Variants in GALNT13 observed in about 807,000 individuals in gnomAD.
The protein encoded by GALNT13 is UDP-GalNAc:polypeptide N-acetylgalactosaminyltransferase 13.
GALNT13 carries 28 observed loss-of-function variants against 64.2 expected under a neutral mutation model. That is an observed-to-expected ratio of 0.44 (90% CI 0.32 to 0.60). GALNT13 has a LOEUF of 0.60. GALNT13 is among the 20% of genes least tolerant of loss of function. The probability of loss-of-function intolerance (pLI) is 0.05; values close to 1 mark genes in which losing one functional copy is unlikely to be tolerated. For synonymous variants in GALNT13, 214 were observed against 224.6 expected (o/e 0.95, Z 0.42); for missense variants, 577 against 669.8 (o/e 0.86, Z 1.53).
At chr2:153,251,410 TA>T in the GALNT13 span, among the ~76,000 whole-genome samples, 1 of 152,246 alleles carries the variant, frequency 6.6e-6, no homozygotes, top group African/African-American at 2.4e-5. Context: ...GATCCTCTTT[TA>T]ATGATGATTT....
intron 9 of GALNT13, among the ~76,000 whole-genome samples, chr2:154,395,073 A>G (rs1481588692): frequency 2.0e-5 from 3 of 152,180 alleles, no homozygotes; most frequent in East Asian, 1.9e-4. Context: ...AGAATATCCT[A>G]AATACTAGGC....
intron 10 of GALNT13, among the ~76,000 whole-genome samples, chr2:154,402,978 A>T (rs1266934816): frequency 6.6e-6 from 1 of 152,114 alleles, no homozygotes; most frequent in Non-Finnish European, 1.5e-5. Context: ...ACATGTTAAG[A>T]TTTGTTTGTT....
chr2:153,884,849 ATG>A (rs1574042095), intron 1 of GALNT13, among the ~76,000 whole-genome samples: 9 of 76,454 alleles, frequency 1.2e-4, no homozygotes, highest in Admixed American at 8.8e-4. Flanking sequence ...GTGTGTATAT[ATG>A]TATATACACA....
At chr2:153,559,061 T>C in the GALNT13 span, among the ~76,000 whole-genome samples, 2 of 152,268 alleles carry the variant, frequency 1.3e-5, no homozygotes, top group South Asian at 4.1e-4. Context: ...TTTTTGAGAG[T>C]ATATTGAAGA....
At chr2:153,397,042 C>A in the GALNT13 span, among the ~76,000 whole-genome samples, 2 of 152,196 alleles carry the variant, frequency 1.3e-5, no homozygotes, top group East Asian at 3.9e-4. Context: ...GTTTTGCCAC[C>A]ATTTTCATCC....
the GALNT13 span, among the ~76,000 whole-genome samples, chr2:153,738,439 T>G: frequency 1.6e-4 from 25 of 152,100 alleles, no homozygotes; most frequent in Non-Finnish European, 2.8e-4. Flanking sequence ...TAGCAACTTC[T>G]GAAATGTTGC....
chr2:153,150,702 T>G, the GALNT13 span, among the ~76,000 whole-genome samples: 1 of 152,136 alleles, frequency 6.6e-6, no homozygotes, highest in African/African-American at 2.4e-5. Context: ...GCTAGCCAGT[T>G]TTCCCAGCAC....
At chr2:154,336,772 CTTA>C (rs1228066826) in intron 9 of GALNT13, among the ~76,000 whole-genome samples, 1 of 151,842 alleles carries the variant, frequency 6.6e-6, no homozygotes, top group Non-Finnish European at 1.5e-5. Context: ...TGTCCTAATG[CTTA>C]TTAAGGAAAT....
the GALNT13 span, among the ~76,000 whole-genome samples, chr2:153,789,011 A>C: frequency 6.6e-6 from 1 of 152,308 alleles, no homozygotes; most frequent in South Asian, 2.1e-4. Flanking sequence ...GGAGACTTTA[A>C]CACCCCACTG....
chr2:154,012,303 T>C (rs2105251632), intron 3 of GALNT13, among the ~76,000 whole-genome samples: 1 of 151,780 alleles, frequency 6.6e-6, no homozygotes, highest in South Asian at 2.1e-4. Flanking sequence ...CTGAAAAGAA[T>C]TTTATTTCTC....
chr2:153,649,326 T>C, the GALNT13 span, among the ~76,000 whole-genome samples: 8 of 152,272 alleles, frequency 5.3e-5, no homozygotes, highest in East Asian at 1.4e-3. Context: ...TTTATCATTT[T>C]TTATTGCGTC....
chr2:153,560,264 A>C, the GALNT13 span, among the ~76,000 whole-genome samples: 28,601 of 152,024 alleles, frequency 0.19, 3,542 homozygotes, highest in Non-Finnish European at 0.28. Flanking sequence ...TAGGAAATAT[A>C]TACATTTTTC....
chr2:153,518,942 C>A, the GALNT13 span, among the ~76,000 whole-genome samples: 1 of 152,120 alleles, frequency 6.6e-6, no homozygotes, highest in Non-Finnish European at 1.5e-5. Flanking sequence ...CAAAAGGGTG[C>A]ATAAGACATA....
intron 3 of GALNT13, among the ~76,000 whole-genome samples, chr2:154,034,733 T>C (rs565253181): frequency 6.6e-6 from 1 of 152,196 alleles, no homozygotes; most frequent in Non-Finnish European, 1.5e-5. Flanking sequence ...CTTAAGATAA[T>C]GGCTTCTAGT....
chr2:154,051,129 T>G (rs1425473248), intron 3 of GALNT13, among the ~76,000 whole-genome samples: 1 of 152,238 alleles, frequency 6.6e-6, no homozygotes, highest in Non-Finnish European at 1.5e-5. Flanking sequence ...CGTGGATCAG[T>G]GGTTGTCTTA....
At chr2:153,095,872 A>G in the GALNT13 span, among the ~76,000 whole-genome samples, 1 of 148,824 alleles carries the variant, frequency 6.7e-6, no homozygotes, top group Non-Finnish European at 1.5e-5. Context: ...AACATCACAC[A>G]CCGGGGCCTG....
At chr2:154,269,916 A>ATATATATATATTTATATATATGTG (rs1691253012) in intron 8 of GALNT13, among the ~76,000 whole-genome samples, 1 of 140,072 alleles carries the variant, frequency 7.1e-6, no homozygotes, top group East Asian at 2.2e-4. Flanking sequence ...GTATATATAT[A>ATATATATATATTTATATATATGTG]TATATATATT....
chr2:153,442,265 A>T, the GALNT13 span, among the ~76,000 whole-genome samples: 1 of 152,150 alleles, frequency 6.6e-6, no homozygotes, highest in Admixed American at 6.5e-5. Context: ...ATTTGTGTAT[A>T]TTGAGCCAGG....
At chr2:154,136,734 A>G (rs1320733758) in intron 3 of GALNT13, among the ~76,000 whole-genome samples, 3 of 152,124 alleles carry the variant, frequency 2.0e-5, no homozygotes, top group African/African-American at 2.4e-5. Flanking sequence ...TTTGAGTCAA[A>G]CTAATTATTT....
Sources: allele counts gnomAD v4.1 joint callset (sites outside exome capture counted in the v4.1 genomes callset), GRCh38; gene constraint gnomAD v4.1.1; transcripts MANE v1.5; gene names NCBI Gene and HGNC (gene_info 2026-07-23, HGNC 2026-07-21).